The following MTMR3 variants were observed in gnomAD, a reference collection of about 807,000 sequenced individuals.
MTMR3 encodes the protein myotubularin related protein 3.
In MTMR3, 32 loss-of-function variants were observed where a neutral mutation model predicts 132.4. The ratio of observed to expected loss-of-function variants is 0.24; its 90% CI spans 0.18 to 0.32. MTMR3 has a LOEUF of 0.32. MTMR3 is among the 10% of genes least tolerant of loss of function. MTMR3 has a pLI of 1.00. For synonymous variants in MTMR3, 556 were observed against 550.3 expected (o/e 1.01, Z -0.14); for missense variants, 1,216 against 1,489.6 (o/e 0.82, Z 3.02).
chr22:30,021,062 C>T (rs1388092530), intron 17 of MTMR3, 178 bp downstream of exon 17: 3 of 655,510 alleles, frequency 4.6e-6, no homozygotes, highest in Non-Finnish European at 7.7e-6. Flanking sequence ...GGCAGCCTGC[C>T]TGTTTTCTGC....
intron 2 of MTMR3, among the ~76,000 whole-genome samples, chr22:29,962,053 G>C (rs1352356051): frequency 6.6e-6 from 1 of 152,190 alleles, no homozygotes; most frequent in Non-Finnish European, 1.5e-5. Context: ...AGCTAAATCT[G>C]CTAATGATGC....
chr22:29,937,549 G>A (rs1197042922), intron 1 of MTMR3, among the ~76,000 whole-genome samples: 1 of 151,896 alleles, frequency 6.6e-6, no homozygotes, highest in African/African-American at 2.4e-5. Context: ...CCCGAGTAGC[G>A]GGGACTATAG....
intron 2 of MTMR3, among the ~76,000 whole-genome samples, chr22:29,966,487 C>A (rs1286379717): frequency 6.6e-6 from 1 of 152,000 alleles, no homozygotes; most frequent in Non-Finnish European, 1.5e-5. Flanking sequence ...TGTAGTTTTC[C>A]ATAGACTAGA....
In MTMR3 at chr22:29,966,345, T is replaced by C. The variant is rs535444279; in HGVS notation, c.-84-4631T>C. 4.6e-5 allele frequency among the ~76,000 whole-genome samples: 7 copies of C among 152,312 alleles called. No homozygotes were observed. In the South Asian group the frequency reaches 1.0e-3, roughly 23 times the overall value. On this transcript the variant is annotated intron_variant, in intron 2 of 19. Transcript: ENST00000401950. ...CTAATAGATGTCTCAGCTTATACTT[T>C]GAATAAGAATCCAAATAAGATCTAT...
intron 2 of MTMR3, among the ~76,000 whole-genome samples, chr22:29,970,191 T>G (rs936833197): frequency 2.0e-5 from 3 of 152,202 alleles, no homozygotes; most frequent in African/African-American, 7.2e-5. Flanking sequence ...ATAGAATATT[T>G]GGGTAATAAG....
intron 7 of MTMR3, 176 bp from the exon 8 acceptor site, chr22:29,998,585 G>A (rs1048298400): frequency 3.4e-6 from 1 of 293,442 alleles, no homozygotes; most frequent in Non-Finnish European, 6.2e-6. Context: ...GGAAGTTTCA[G>A]TGAGCTGAGA....
At chr22:29,901,069 A>G (rs2064994911) in intron 1 of MTMR3, among the ~76,000 whole-genome samples, 1 of 152,148 alleles carries the variant, frequency 6.6e-6, no homozygotes, top group South Asian at 2.1e-4. Flanking sequence ...AGATTTTATA[A>G]TAATCTGTTA....
intron 1 of MTMR3, among the ~76,000 whole-genome samples, chr22:29,885,051 C>T (rs935758745): frequency 2.0e-5 from 3 of 152,230 alleles, no homozygotes; most frequent in Admixed American, 6.5e-5. Context: ...CGTTAATGAC[C>T]AGCCATAAAA....
chr22:29,952,213 AT>A (rs920643317), intron 1 of MTMR3, among the ~76,000 whole-genome samples: 20 of 152,040 alleles, frequency 1.3e-4, no homozygotes, highest in African/African-American at 4.8e-4. Flanking sequence ...AACTTACTAG[AT>A]TTTTTTCCCC....
chr22:29,902,784 A>G (rs1488774283), intron 1 of MTMR3, among the ~76,000 whole-genome samples: 1 of 152,188 alleles, frequency 6.6e-6, no homozygotes, highest in African/African-American at 2.4e-5. Context: ...ATTAATATTG[A>G]TAAGCAGAGT....
At chr22:29,964,684 C>A (rs2066379025) in intron 2 of MTMR3, among the ~76,000 whole-genome samples, 1 of 152,162 alleles carries the variant, frequency 6.6e-6, no homozygotes, top group African/African-American at 2.4e-5. Flanking sequence ...CATTCTAAAT[C>A]AAGCCACTAG....
At chr22:29,921,545 G>A (rs2065413704) in intron 1 of MTMR3, among the ~76,000 whole-genome samples, 1 of 152,038 alleles carries the variant, frequency 6.6e-6, no homozygotes, top group African/African-American at 2.4e-5. Context: ...CTATTTTACT[G>A]TGTCTTTTTG....
At chr22:30,021,878 C>G (rs996941646) in intron 17 of MTMR3, 151 bp from the exon 18 acceptor site, 24 of 640,758 alleles carry the variant, frequency 3.7e-5, no homozygotes, top group African/African-American at 9.1e-5. Flanking sequence ...CTTCTTCACC[C>G]CAGTTCTTGA....
Position 29,937,991 on chromosome 22 carries a change from A to G in MTMR3, c.-137-19045A>G, listed in dbSNP as rs5997554. Among the ~76,000 whole-genome samples the G allele has an allele frequency of 9.8e-4, 150 of 152,338 alleles. 1 individual carries two copies. Among genetic ancestry groups the G allele is most frequent in the African/African-American group, 3.5e-3 (146 of 41,586 alleles). ...GACTAGCATAAAGGAAACTATTGAA[A>G]TAGCTGCATAAACTAGGGGCTGACA... On this transcript the variant is annotated intron_variant, in intron 1 of 19. Coordinates refer to ENST00000401950, the MANE Select transcript of MTMR3 (RefSeq NM_021090.4).
At chr22:29,994,752 T>A (rs1382297470) in intron 7 of MTMR3, 1 of 152,242 alleles carries the variant, frequency 6.6e-6, no homozygotes, top group East Asian at 1.9e-4. Flanking sequence ...ATTGTCTTAG[T>A]ATTCATATAA....
chr22:30,025,362 C>A (rs1601448147), intron 19 of MTMR3: 7 of 495,828 alleles, frequency 1.4e-5, no homozygotes, highest in Non-Finnish European at 2.2e-5. Flanking sequence ...GAGCAGCATT[C>A]TTTTGTATAC....
chr22:29,964,041 C>G (rs1365366497), intron 2 of MTMR3, among the ~76,000 whole-genome samples: 1 of 152,084 alleles, frequency 6.6e-6, no homozygotes, highest in Non-Finnish European at 1.5e-5. Flanking sequence ...GAGCAACTGC[C>G]AGGCTATTTT....
intron 6 of MTMR3, chr22:29,990,396 A>G (rs5763675): frequency 0.78 from 118,889 of 152,066 alleles, 46,899 homozygotes; most frequent in East Asian, 0.91. Context: ...TTGGGATGAG[A>G]GAGAGGTTTA....
chr22:30,015,023 T>G (rs1183742342), intron 14 of MTMR3: 1 of 152,172 alleles, frequency 6.6e-6, no homozygotes, highest in East Asian at 1.9e-4. Flanking sequence ...GTCTTAATGT[T>G]GATTCAGACT....
Sources: allele counts gnomAD v4.1 joint callset (sites outside exome capture counted in the v4.1 genomes callset), GRCh38; gene constraint gnomAD v4.1.1; transcripts MANE v1.5; gene names NCBI Gene and HGNC (gene_info 2026-07-23, HGNC 2026-07-21).